The following TRAPPC9 variants were observed in gnomAD, a reference collection of about 807,000 sequenced individuals.
TRAPPC9 encodes the protein IKK2 binding protein.
Under a neutral mutation model 124.0 loss-of-function variants are expected in TRAPPC9, and 83 were observed. That is an observed-to-expected ratio of 0.67 (90% CI 0.56 to 0.80). TRAPPC9 has a LOEUF of 0.80. Ranked by LOEUF, TRAPPC9 falls within the 30% of genes least tolerant of loss-of-function variation. The pLI is 0.00. For synonymous variants in TRAPPC9, 638 were observed against 617.5 expected (o/e 1.03, Z -0.49); for missense variants, 1,302 against 1,508.3 (o/e 0.86, Z 2.27).
chr8:140,290,209 C>T (rs541352741), intron 12 of TRAPPC9, among the ~76,000 whole-genome samples: 1 of 152,144 alleles, frequency 6.6e-6, no homozygotes, highest in East Asian at 1.9e-4. Flanking sequence ...GAGCACTCAG[C>T]GAGATACATG....
chr8:139,973,113 G>A (rs1836211169), intron 19 of TRAPPC9, among the ~76,000 whole-genome samples: 1 of 152,368 alleles, frequency 6.6e-6, no homozygotes, highest in Non-Finnish European at 1.5e-5. Flanking sequence ...TCTACCATAA[G>A]AAAAAGTACG....
intron 21 of TRAPPC9, among the ~76,000 whole-genome samples, chr8:139,830,760 T>C (rs1825938254): frequency 6.6e-6 from 1 of 152,116 alleles, no homozygotes; most frequent in Non-Finnish European, 1.5e-5. Flanking sequence ...TGTTAGCCAA[T>C]GCCAAACACC....
intron 17 of TRAPPC9, among the ~76,000 whole-genome samples, chr8:140,107,066 G>A (rs1159932902): frequency 6.6e-6 from 1 of 152,162 alleles, no homozygotes; most frequent in Non-Finnish European, 1.5e-5. Context: ...TCTTTTGAGG[G>A]AATGATCCAT....
At chr8:140,008,958 C>T (rs1838941139) in intron 18 of TRAPPC9, among the ~76,000 whole-genome samples, 2 of 152,120 alleles carry the variant, frequency 1.3e-5, no homozygotes, top group African/African-American at 4.8e-5. Flanking sequence ...GTGAATCTAT[C>T]ATTGTTTCAA....
chr8:139,855,688 C>G (rs1312665926), intron 21 of TRAPPC9, among the ~76,000 whole-genome samples: 2 of 152,202 alleles, frequency 1.3e-5, no homozygotes, highest in Non-Finnish European at 2.9e-5. Context: ...TAATGAAAAG[C>G]CCTACCAAGG....
At chr8:140,312,740 A>ATTC (rs34638675) in intron 9 of TRAPPC9, among the ~76,000 whole-genome samples, 10 of 140,176 alleles carry the variant, frequency 7.1e-5, no homozygotes, top group East Asian at 2.0e-4. Flanking sequence ...GTGCCTACGC[A>ATTC]TTCTTCTTCT....
chr8:140,045,648 A>AAAAAC (rs1841545472), intron 17 of TRAPPC9, among the ~76,000 whole-genome samples: 1 of 143,574 alleles, frequency 7.0e-6, no homozygotes, highest in Non-Finnish European at 1.5e-5. Context: ...AAAAAAAAAA[A>AAAAAC]AAAAAAAAAA....
rs1049337162 is a variant in TRAPPC9 at position 140,272,398 on chromosome 8, G to A, written c.2278+3260C>T. Among the ~76,000 whole-genome samples, 18 of 147,426 alleles carry A rather than the reference G, an allele frequency of 1.2e-4. No homozygotes were observed. The South Asian group carries it at 1.3e-3, about 11-fold the overall frequency. ...TGGTGGTGATGATGGTGATGGTGGC[G>A]ATGGTGATAATGGTGATGGTGATGG... On this transcript the variant is annotated intron_variant, in intron 15 of 22. Coordinates refer to ENST00000438773, the MANE Select transcript of TRAPPC9 (RefSeq NM_001160372.4).
At chr8:140,072,120 G>GT (rs1420434007) in intron 17 of TRAPPC9, among the ~76,000 whole-genome samples, 1 of 152,210 alleles carries the variant, frequency 6.6e-6, no homozygotes, top group Non-Finnish European at 1.5e-5. Flanking sequence ...AAATTGTTCT[G>GT]TATCTTTATT....
intron 21 of TRAPPC9, among the ~76,000 whole-genome samples, chr8:139,738,964 G>A (rs1818381628): frequency 6.6e-6 from 1 of 152,184 alleles, no homozygotes; most frequent in African/African-American, 2.4e-5. Context: ...GACAGAACAA[G>A]GTGTTCTAGG....
intron 9 of TRAPPC9, among the ~76,000 whole-genome samples, chr8:140,336,387 T>C (rs148901853): frequency 3.5e-4 from 53 of 152,218 alleles, no homozygotes; most frequent in African/African-American, 1.3e-3. Context: ...CTGCGGCAAA[T>C]GAGAGACAGC....
intron 15 of TRAPPC9, among the ~76,000 whole-genome samples, chr8:140,263,483 T>C (rs1241787657): frequency 6.6e-6 from 1 of 152,198 alleles, no homozygotes; most frequent in Non-Finnish European, 1.5e-5. Context: ...AGGAAAATAA[T>C]TTCAACATGT....
chr8:139,822,833 G>T (rs1825345143), intron 21 of TRAPPC9, among the ~76,000 whole-genome samples: 1 of 152,224 alleles, frequency 6.6e-6, no homozygotes, highest in Non-Finnish European at 1.5e-5. Flanking sequence ...TCAGGCAACT[G>T]TCACAATGTG....
intron 21 of TRAPPC9, among the ~76,000 whole-genome samples, chr8:139,752,807 C>A (rs1819418032): frequency 6.6e-6 from 1 of 151,322 alleles, no homozygotes; most frequent in Non-Finnish European, 1.5e-5. Context: ...CCACTACCAT[C>A]TATCCACCAT....
intron 5 of TRAPPC9, among the ~76,000 whole-genome samples, chr8:140,410,864 T>C (rs1269273908): frequency 6.7e-6 from 1 of 150,356 alleles, no homozygotes; most frequent in Non-Finnish European, 1.5e-5. Flanking sequence ...ATTATATAGA[T>C]TTAGAAATAT....
intron 16 of TRAPPC9, among the ~76,000 whole-genome samples, chr8:140,229,623 T>C (rs2063545839): frequency 6.6e-6 from 1 of 150,736 alleles, no homozygotes; most frequent in Admixed American, 6.6e-5. Context: ...GGCTGGAGTG[T>C]AGCGGCGCGA....
At chr8:140,291,743 G>C (rs1250226514) in intron 11 of TRAPPC9, among the ~76,000 whole-genome samples, 2 of 152,236 alleles carry the variant, frequency 1.3e-5, no homozygotes, top group Non-Finnish European at 2.9e-5. Flanking sequence ...GTCCTGAATG[G>C]GCTTGTTCTA....
chr8:139,858,627 G>A (rs1359691869), intron 21 of TRAPPC9, among the ~76,000 whole-genome samples: 1 of 152,180 alleles, frequency 6.6e-6, no homozygotes, highest in Non-Finnish European at 1.5e-5. Flanking sequence ...GGAGATCAGT[G>A]CTAGAGGGGA....
intron 21 of TRAPPC9, among the ~76,000 whole-genome samples, chr8:139,882,209 C>T (rs536080088): frequency 2.6e-5 from 4 of 152,286 alleles, no homozygotes; most frequent in Admixed American, 2.0e-4. Context: ...TTATGGAGTG[C>T]CAGACACATT....
Sources: allele counts gnomAD v4.1 joint callset (sites outside exome capture counted in the v4.1 genomes callset), GRCh38; gene constraint gnomAD v4.1.1; transcripts MANE v1.5; gene names NCBI Gene and HGNC (gene_info 2026-07-23, HGNC 2026-07-21).